Variants in ATE1 observed in about 807,000 individuals in gnomAD.
ATE1 encodes the protein arginyl-tRNA--protein transferase 1.
ATE1 carries 36 observed loss-of-function variants against 70.5 expected under a neutral mutation model. That is an observed-to-expected ratio of 0.51 (90% CI 0.39 to 0.67). The LOEUF (loss-of-function observed/expected upper bound fraction) is 0.67, where lower values mean the gene tolerates loss of function less well. Among genes scored for constraint, ATE1 ranks in the 30% least tolerant of loss-of-function variants. ATE1 has a pLI of 0.00. For missense variants in ATE1, 593 were observed against 629.5 expected (o/e 0.94, Z 0.62); for synonymous variants, 232 against 219.3 (o/e 1.06, Z -0.51).
intron 10 of ATE1, among the ~76,000 whole-genome samples, chr10:121,816,109 C>T (rs927256228): frequency 3.3e-5 from 5 of 152,000 alleles, no homozygotes; most frequent in African/African-American, 1.2e-4. Flanking sequence ...TGTTAGAGAA[C>T]GGAACAAATT....
At chr10:121,830,085 C>CT (rs1445547624) in intron 10 of ATE1, among the ~76,000 whole-genome samples, 1 of 152,196 alleles carries the variant, frequency 6.6e-6, no homozygotes, top group Admixed American at 6.5e-5. Context: ...CATTTTCTGA[C>CT]TGAAAAGATC....
In ATE1 at chr10:121,745,139, C is replaced by T. The variant is rs76083553; in HGVS notation, c.1379-1281G>A. Among the ~76,000 whole-genome samples the T allele has an allele frequency of 1.1e-4, 17 of 152,242 alleles. No homozygotes were observed. The East Asian group carries it at 3.1e-3, about 28-fold the overall frequency. ...TACAAATAAACTATCTTGTTTAACC[C>T]AATATTACCTTAGGTTTCTATTACT... On this transcript the variant is annotated intron_variant, in intron 11 of 11. Transcript: ENST00000224652.
At chr10:121,835,048 A>T (rs779937829) in intron 10 of ATE1, among the ~76,000 whole-genome samples, 27 of 152,218 alleles carry the variant, frequency 1.8e-4, no homozygotes, top group Non-Finnish European at 3.2e-4. Flanking sequence ...AGGATAAAAC[A>T]CTAGTAAAAA....
At chr10:121,828,713 C>T (rs1467574673) in intron 10 of ATE1, among the ~76,000 whole-genome samples, 5 of 152,122 alleles carry the variant, frequency 3.3e-5, no homozygotes, top group African/African-American at 9.7e-5. Context: ...GAAGCCCTGA[C>T]GGTGGACAGC....
chr10:121,909,116 G>A lies in ATE1; in HGVS notation c.583+1790C>T, dbSNP rs567131461. Among the ~76,000 whole-genome samples, 197 of 152,236 alleles carry A rather than the reference G, an allele frequency of 1.3e-3. 1 individual carries two copies. Among genetic ancestry groups the A allele is most frequent in the African/African-American group, 4.6e-3 (191 of 41,546 alleles). On this transcript the variant is annotated intron_variant, in intron 5 of 11. Transcript: ENST00000224652. Reference sequence around the variant, plus strand: ...TGATCCTCCCACCTCAGCCTCCCAAGTAGCTGGGACTACAGGCATGCACCA... The same window carrying A: ...TGATCCTCCCACCTCAGCCTCCCAAATAGCTGGGACTACAGGCATGCACCA...
chr10:121,879,384 A>G (rs187648634), intron 7 of ATE1, among the ~76,000 whole-genome samples: 1 of 152,100 alleles, frequency 6.6e-6, no homozygotes, highest in East Asian at 1.9e-4. Context: ...CTATCCCTCC[A>G]TGTATCTTGC....
rs572330684 is a variant in ATE1 at position 121,813,295 on chromosome 10, T to C, written c.1258-23006A>G. Among the ~76,000 whole-genome samples the C allele has an allele frequency of 9.8e-5, 15 of 152,330 alleles. No individual in the cohort carries two copies. In the South Asian group the frequency reaches 2.1e-3, roughly 21 times the overall value. ...AATCTATTCTGATCTCATCAATTCC[T>C]GTTTCTACACAATATTTTGCCAGCT... On this transcript the variant is annotated intron_variant, in intron 10 of 11. Transcript: ENST00000224652.
intron 11 of ATE1, among the ~76,000 whole-genome samples, chr10:121,768,210 T>C (rs868183405): frequency 6.6e-6 from 1 of 152,208 alleles, no homozygotes; most frequent in African/African-American, 2.4e-5. Context: ...TGGAGATTTA[T>C]TGTCTAATCA....
chr10:121,836,229 T>C (rs749379912), intron 10 of ATE1, among the ~76,000 whole-genome samples: 31 of 152,198 alleles, frequency 2.0e-4, no homozygotes, highest in Non-Finnish European at 3.7e-4. Context: ...ACCAGACCAC[T>C]GTATACCCTG....
At chr10:121,880,571 A>C (rs894454423) in intron 7 of ATE1, among the ~76,000 whole-genome samples, 53 of 148,996 alleles carry the variant, frequency 3.6e-4, no homozygotes, top group African/African-American at 1.3e-3. Context: ...ATATATATAC[A>C]TATATATGTA....
intron 3 of ATE1, among the ~76,000 whole-genome samples, chr10:121,918,111 G>C (rs1010361299): frequency 6.6e-6 from 1 of 152,192 alleles, no homozygotes; most frequent in South Asian, 2.1e-4. Flanking sequence ...AAGGCAGGCG[G>C]ATCATGAGGT....
At chr10:121,860,608 C>G (rs1246447069) in intron 8 of ATE1, among the ~76,000 whole-genome samples, 1 of 152,188 alleles carries the variant, frequency 6.6e-6, no homozygotes, top group Non-Finnish European at 1.5e-5. Flanking sequence ...AAAGGAAGTA[C>G]AGTAAATGTT....
At chr10:121,867,498 C>T (rs192455635) in intron 8 of ATE1, among the ~76,000 whole-genome samples, 58 of 152,248 alleles carry the variant, frequency 3.8e-4, no homozygotes, top group Middle Eastern at 3.4e-3. Context: ...AAGTTCCTGC[C>T]AGCCCCTTTT....
At chr10:121,913,001 T>C (rs1951504795) in intron 4 of ATE1, among the ~76,000 whole-genome samples, 1 of 152,028 alleles carries the variant, frequency 6.6e-6, no homozygotes, top group Non-Finnish European at 1.5e-5. Flanking sequence ...TGCCTCAACC[T>C]CCCAAGTAGC....
chr10:121,916,662 C>T (rs1039668467), intron 3 of ATE1, among the ~76,000 whole-genome samples: 1 of 151,970 alleles, frequency 6.6e-6, no homozygotes, highest in African/African-American at 2.4e-5. Context: ...GGTGAAACCC[C>T]GTCTCTACTG....
chr10:121,767,753 G>A (rs1370744307), intron 11 of ATE1, among the ~76,000 whole-genome samples: 8 of 152,162 alleles, frequency 5.3e-5, no homozygotes, highest in Non-Finnish European at 1.2e-4. Flanking sequence ...TGTTGGTGAG[G>A]ATATGGAGAA....
rs1454614045 is a variant in ATE1 at position 121,902,555 on chromosome 10, T to C, written c.649A>G (p.Arg217Gly). Residue 217 changes from arginine (R) to glycine (G), a missense_variant, in exon 6 of 12, where the codon AGG (arginine) becomes GGG (glycine). By Grantham distance (125) the Arg-to-Gly change is moderately radical (BLOSUM62 -2). Coordinates refer to ENST00000224652, the MANE Select transcript of ATE1 (RefSeq NM_001001976.3). ...KAKEIRKERK[R>G]LKLMQQNPAG... is the part of the protein sequence containing the mutation. ...GGGTTCTGCTGCATTAGTTTTAACC[T>C]TTTCCTTTCTTTCCGGATTTCCTTT... The C allele has an allele frequency of 6.2e-7, 1 of 1,614,052 alleles. No individual in the cohort carries two copies. The highest frequency in any genetic ancestry group is 8.5e-7 in the Non-Finnish European group (1 of 1,180,034).
At chr10:121,844,985 C>A (rs1391501651) in intron 8 of ATE1, among the ~76,000 whole-genome samples, 1 of 151,060 alleles carries the variant, frequency 6.6e-6, no homozygotes, top group Non-Finnish European at 1.5e-5. Context: ...GTGCTCACGT[C>A]ATTAGCATTT....
At chr10:121,831,195 A>C (rs1948220580) in intron 10 of ATE1, among the ~76,000 whole-genome samples, 1 of 152,244 alleles carries the variant, frequency 6.6e-6, no homozygotes. Flanking sequence ...GGAAAACTCC[A>C]GTGAACATTG....
Sources: allele counts gnomAD v4.1 joint callset (sites outside exome capture counted in the v4.1 genomes callset), GRCh38; gene constraint gnomAD v4.1.1; transcripts MANE v1.5; gene names NCBI Gene and HGNC (gene_info 2026-07-23, HGNC 2026-07-21).